Variants in RNF10 observed in about 807,000 individuals in gnomAD.
RNF10 encodes ring finger protein 10.
Under a neutral mutation model 91.4 loss-of-function variants are expected in RNF10, and 38 were observed. That is an observed-to-expected ratio of 0.42 (90% CI 0.32 to 0.54). RNF10 has a LOEUF of 0.54. RNF10 is among the 20% of genes least tolerant of loss of function. The pLI is 0.16. For synonymous variants in RNF10, 364 were observed against 366.3 expected (o/e 0.99, Z 0.07); for missense variants, 945 against 1,012.0 (o/e 0.93, Z 0.90).
Position 120,563,794 on chromosome 12 carries a change from AG to A in RNF10, c.1532-15del, listed in dbSNP as rs1875274367. The A allele has an allele frequency of 2.5e-6, 4 of 1,613,626 alleles. No homozygotes were observed. The highest frequency in any genetic ancestry group is 3.4e-6 in the Non-Finnish European group (4 of 1,179,788). ...ACTGGCCAAGACTGGTGTGTGATAG[AG>A]CCCCTTGTCCTCAGCGGAAGATGGA... On this transcript the variant is annotated splice_polypyrimidine_tract_variant and intron_variant, in intron 9 of 16. Coordinates refer to ENST00000325954, the MANE Select transcript of RNF10 (RefSeq NM_014868.5).
At chr12:120,557,813 C>A in intron 6 of RNF10, 131 bp downstream of exon 6, 1 of 988,180 alleles carries the variant, frequency 1.0e-6, no homozygotes. Flanking sequence ...TCATAGGATT[C>A]CAGTAGGTTA....
In RNF10 at chr12:120,552,675, C is replaced by T. The variant is rs780988278; in HGVS notation, c.531C>T (p.Asn177=). The change falls in exon 3 of 17, where the codon AAC becomes AAT. Residue 177 remains asparagine, a synonymous_variant. Coordinates refer to ENST00000325954, the MANE Select transcript of RNF10 (RefSeq NM_014868.5). ...ACAAGTGGGGACATAAGCCTTTTAA[C>T]AAGGAACTCTTTTTACAGGCCAAGT... The part of the protein sequence containing the change: ...KRNKWGHKPF[N]KELFLQANCQ... 1.2e-6 allele frequency: 2 copies of T among 1,614,058 alleles called. No individual in the cohort carries two copies. Among genetic ancestry groups the T allele is most frequent in the Non-Finnish European group, 1.7e-6 (2 of 1,180,012 alleles).
chr12:120,545,348 A>ATT (rs36040889), intron 1 of RNF10, among the ~76,000 whole-genome samples: 187 of 132,356 alleles, frequency 1.4e-3, no homozygotes, highest in Middle Eastern at 4.1e-3. Flanking sequence ...TGCCCGGCTA[A>ATT]TTTTTTTTTT....
chr12:120,539,262 C>T (rs1010554074), intron 1 of RNF10: 2 of 490,548 alleles, frequency 4.1e-6, no homozygotes, highest in Admixed American at 2.5e-5. Context: ...TTATGAAGTC[C>T]TAGGCGGTAT....
At chr12:120,552,215 C>T (rs111468271) in intron 2 of RNF10, among the ~76,000 whole-genome samples, 4,708 of 151,782 alleles carry the variant, frequency 0.031, 236 homozygotes, top group African/African-American at 0.11. Context: ...GTCAACATGG[C>T]GAAACCCTGT....
chr12:120,577,172 G>C lies in RNF10; in HGVS notation c.*506G>C, dbSNP rs1459578870. On this transcript the variant is annotated 3_prime_UTR_variant, in exon 17 of 17. Transcript: ENST00000325954. The stretch of plus-strand genomic sequence containing the variant: ...GAATAAAATGGATTTAGGACACCCA[G>C]TTTGAATTGCAGTTTTTTTTTTTCT... 4.4e-6 allele frequency: 2 copies of C among 452,464 alleles called. No homozygotes were observed. The highest frequency in any genetic ancestry group is 4.8e-5 in the Admixed American group (2 of 42,084). 28.0% of individuals were successfully genotyped at this position (452,464 alleles called of 1,614,324 possible). A position where few individuals can be genotyped will look rare whatever the true frequency, so the allele number is the denominator to read the frequency against.
intron 1 of RNF10, among the ~76,000 whole-genome samples, chr12:120,540,724 G>A (rs1449306935): frequency 6.6e-6 from 1 of 152,170 alleles, no homozygotes; most frequent in Non-Finnish European, 1.5e-5. Context: ...GTTGTTATGT[G>A]TTTTGGAAAT....
chr12:120,553,865 G>A (rs1254897173), intron 3 of RNF10: 1 of 150,638 alleles, frequency 6.6e-6, no homozygotes, highest in Non-Finnish European at 1.5e-5. Flanking sequence ...TACTTTATAT[G>A]AACTGATGAA....
chr12:120,546,495 G>A lies in RNF10; in HGVS notation c.248G>A (p.Arg83His), dbSNP rs558581290. The change falls in exon 2 of 17, where the codon CGC becomes CAC. Residue 83 changes from arginine (R) to histidine (H), a missense_variant. Arg to His is a conservative substitution (Grantham distance 29, BLOSUM62 0). Transcript: ENST00000325954. ...KNESFNNQSR[R>H]SSSQKSKTFN... ...GAAAGTTTTAACAACCAGTCCCGTC[G>A]CTCCAGTTCACAGAAAAGCAAGACT... The A allele has an allele frequency of 1.1e-5, 18 of 1,614,102 alleles. No homozygotes were observed. The highest frequency in any genetic ancestry group is 6.7e-5 in the African/African-American group (5 of 75,038).
chr12:120,565,013 C>A lies in RNF10; in HGVS notation c.1666-59C>A, dbSNP rs1875473677. On this transcript the variant is annotated intron_variant, in intron 10 of 16. Coordinates refer to ENST00000325954, the MANE Select transcript of RNF10 (RefSeq NM_014868.5). ...ATATTGTTGGATATCGGGGTTAGGA[C>A]CCCCTGCTTTCAGAGTTAGGCTTGC... 6.1e-6 allele frequency: 7 copies of A among 1,141,752 alleles called. No individual in the cohort carries two copies. The Admixed American group carries it at 1.0e-4, about 17-fold the overall frequency. 70.7% of individuals were successfully genotyped at this position (1,141,752 alleles called of 1,614,324 possible).
At chr12:120,576,351 A>C (rs1193636923) in intron 16 of RNF10, among the ~76,000 whole-genome samples, 1 of 152,206 alleles carries the variant, frequency 6.6e-6, no homozygotes, top group African/African-American at 2.4e-5. Context: ...TTCTCCCAAC[A>C]ACCACGTTAA....
At chr12:120,551,393 C>G (rs533957283) in intron 2 of RNF10, among the ~76,000 whole-genome samples, 1 of 137,694 alleles carries the variant, frequency 7.3e-6, no homozygotes, top group South Asian at 2.5e-4. Context: ...CTCTCGGGTT[C>G]AAGCGATTCT....
intron 14 of RNF10, 69 bp from the exon 15 acceptor site, chr12:120,575,562 G>A: frequency 6.4e-7 from 1 of 1,556,348 alleles, no homozygotes; most frequent in Non-Finnish European, 8.9e-7. Flanking sequence ...AGTTAGTCAA[G>A]GTAGGTCTGA....
At chr12:120,562,155 C>T (rs1264391028) in intron 7 of RNF10, among the ~76,000 whole-genome samples, 1 of 152,120 alleles carries the variant, frequency 6.6e-6, no homozygotes. Flanking sequence ...TCCCACTCTC[C>T]ACCCTCTGAT....
At chr12:120,573,318 T>TC (rs1319981119) in intron 14 of RNF10, among the ~76,000 whole-genome samples, 1 of 152,218 alleles carries the variant, frequency 6.6e-6, no homozygotes, top group African/African-American at 2.4e-5. Flanking sequence ...CTCTTTAGTC[T>TC]CCTTTGATCT....
intron 14 of RNF10, among the ~76,000 whole-genome samples, chr12:120,573,601 G>A (rs1051656984): frequency 6.9e-6 from 1 of 144,994 alleles, no homozygotes; most frequent in African/African-American, 2.7e-5. Context: ...AAAAAAAAAA[G>A]TTTATTTGGC....
intron 3 of RNF10, among the ~76,000 whole-genome samples, 162 bp downstream of exon 3, chr12:120,552,860 A>G (rs1229631269): frequency 1.3e-5 from 2 of 151,844 alleles, no homozygotes; most frequent in Admixed American, 1.3e-4. Context: ...CCTTTCTTTT[A>G]CCCACTTTCC....
chr12:120,545,434 C>T (rs957982212), intron 1 of RNF10, among the ~76,000 whole-genome samples: 7 of 151,534 alleles, frequency 4.6e-5, no homozygotes, highest in East Asian at 1.9e-4. Flanking sequence ...CCTCGTGATC[C>T]GCCCACCTCG....
chr12:120,576,757 ATTTG>A lies in RNF10; in HGVS notation c.*92_*95del. On this transcript the variant is annotated 3_prime_UTR_variant, in exon 17 of 17. Coordinates refer to ENST00000325954, the MANE Select transcript of RNF10 (RefSeq NM_014868.5). Reference sequence around the variant, plus strand: ...TGTTTGGCTGCTGTAATTTTTAAGTATTTGAGTTTGAACAGATTAGCTCTGGGGG... The same window carrying A: ...TGTTTGGCTGCTGTAATTTTTAAGTAAGTTTGAACAGATTAGCTCTGGGGG... 6.4e-7 allele frequency: 1 copy of A among 1,557,646 alleles called. No individual in the cohort carries two copies. Among genetic ancestry groups the A allele is most frequent in the African/African-American group, 1.4e-5 (1 of 72,002 alleles).
Sources: gnomAD v4.1 joint callset for allele counts (sites outside exome capture counted in the v4.1 genomes callset) on GRCh38, gnomAD v4.1.1 for gene constraint, MANE v1.5 for transcripts, NCBI Gene and HGNC (gene_info 2026-07-23, HGNC 2026-07-21) for gene names.